The following RNF24 variants were observed in gnomAD, a reference collection of about 807,000 sequenced individuals.
RNF24 encodes the protein ring finger protein 24.
A neutral mutation model predicts 20.0 loss-of-function variants in RNF24; 14 were observed. The observed-to-expected ratio is 0.70, with a 90% confidence interval of 0.46 to 1.10. The LOEUF (loss-of-function observed/expected upper bound fraction) is 1.10. Among genes scored for constraint, RNF24 ranks in the 50% least tolerant of loss-of-function variants. RNF24 has a pLI of 0.00. For synonymous variants in RNF24, 45 were observed against 61.1 expected (o/e 0.74, Z 1.23); for missense variants, 124 against 177.6 (o/e 0.70, Z 1.71).
intron 1 of RNF24, among the ~76,000 whole-genome samples, chr20:4,005,048 T>C (rs1200578592): frequency 2.6e-5 from 4 of 152,188 alleles, no homozygotes. Context: ...ATCTGAATAG[T>C]AAAGAGACTG....
rs537038804 is a variant in RNF24 at position 3,998,146 on chromosome 20, G to T, written c.-8+17291C>A. On this transcript the variant is annotated intron_variant, in intron 1 of 5. Coordinates refer to ENST00000358395, the MANE Select transcript of RNF24 (RefSeq NM_001134337.3). Reference sequence around the variant, plus strand: ...CATTCAGCCCATCAAGCTCACATAAGAATAAAAAATGTGGCCAGGCGTGGT... The same window carrying T: ...CATTCAGCCCATCAAGCTCACATAATAATAAAAAATGTGGCCAGGCGTGGT... Among the ~76,000 whole-genome samples, 59 of 152,258 alleles carry T rather than the reference G, an allele frequency of 3.9e-4. 1 individual carries two copies. Among genetic ancestry groups the T allele is most frequent in the African/African-American group, 1.4e-3 (57 of 41,554 alleles).
intron 4 of RNF24, among the ~76,000 whole-genome samples, chr20:3,942,013 G>A (rs1013911645): frequency 1.3e-5 from 2 of 150,968 alleles, no homozygotes; most frequent in Non-Finnish European, 2.9e-5. Flanking sequence ...GGCGGAGGTT[G>A]CAGTGAGCCA....
At chr20:3,949,035 A>C (rs2091051528) in intron 2 of RNF24, among the ~76,000 whole-genome samples, 1 of 151,984 alleles carries the variant, frequency 6.6e-6, no homozygotes, top group South Asian at 2.1e-4. Flanking sequence ...GTGGACATAT[A>C]TACTCATTTC....
At chr20:3,939,293 C>A (rs1362161045) in intron 4 of RNF24, among the ~76,000 whole-genome samples, 2 of 152,132 alleles carry the variant, frequency 1.3e-5, no homozygotes, top group African/African-American at 4.8e-5. Context: ...GCACTGGGCT[C>A]ACCTATGTTT....
rs2090831325 is a variant in RNF24 at position 3,932,098 on chromosome 20, A to G, written c.*1965T>C. 1 of 152,210 alleles carries G rather than the reference A, an allele frequency of 6.6e-6. No homozygotes were observed. Among genetic ancestry groups the G allele is most frequent in the Non-Finnish European group, 1.5e-5 (1 of 68,036 alleles). 9.4% of individuals were successfully genotyped at this position (152,210 alleles called of 1,614,324 possible). A position where few individuals can be genotyped will look rare whatever the true frequency, so the allele number is the denominator to read the frequency against. ...ATTCTCTTTCCTATTAGAGCCCCAT[A>G]ACAGAGGTGACATCTGTCCCAAGGC... On this transcript the variant is annotated 3_prime_UTR_variant, in exon 6 of 6. Coordinates refer to ENST00000358395, the MANE Select transcript of RNF24 (RefSeq NM_001134337.3).
chr20:3,954,557 C>T (rs1328475793), intron 2 of RNF24, among the ~76,000 whole-genome samples: 1 of 152,078 alleles, frequency 6.6e-6, no homozygotes, highest in African/African-American at 2.4e-5. Context: ...CATATATTTT[C>T]ATTTGTCTTG....
intron 2 of RNF24, among the ~76,000 whole-genome samples, chr20:3,955,389 T>C (rs1309231688): frequency 6.6e-6 from 1 of 152,224 alleles, no homozygotes; most frequent in Non-Finnish European, 1.5e-5. Flanking sequence ...GAAGAAACAA[T>C]TCTTTCCCCA....
chr20:3,944,612 C>G lies in RNF24; in HGVS notation c.228+565G>C, dbSNP rs116066204. Among the ~76,000 whole-genome samples, 256 of 152,290 alleles carry G rather than the reference C, an allele frequency of 1.7e-3. 1 individual carries two copies. The highest frequency in any genetic ancestry group is 5.8e-3 in the African/African-American group (241 of 41,562). ...ACAAGAAATAGAATGAAAAAGAATT[C>G]TTATAGGCTATGTATCTTAATGTAT... On this transcript the variant is annotated intron_variant, in intron 4 of 5. Transcript: ENST00000358395.
At chr20:3,935,716 C>A (rs917252469) in intron 4 of RNF24, among the ~76,000 whole-genome samples, 1 of 152,238 alleles carries the variant, frequency 6.6e-6, no homozygotes, top group African/African-American at 2.4e-5. Flanking sequence ...CCTTTGCCAT[C>A]GTACCCAGGG....
At chr20:4,001,064 C>T (rs901197543) in intron 1 of RNF24, among the ~76,000 whole-genome samples, 1 of 151,966 alleles carries the variant, frequency 6.6e-6, no homozygotes, top group South Asian at 2.1e-4. Context: ...CTCAGGAGTT[C>T]GAGACCAGCC....
chr20:3,942,764 CGCCTGGCCT>C (rs914773066), intron 4 of RNF24, among the ~76,000 whole-genome samples: 4 of 149,826 alleles, frequency 2.7e-5, no homozygotes, highest in African/African-American at 9.8e-5. Context: ...TGAGCCACCG[CGCCTGGCCT>C]GGACAAATAT....
chr20:3,944,520 A>T (rs1240062495), intron 4 of RNF24, among the ~76,000 whole-genome samples: 1 of 152,166 alleles, frequency 6.6e-6, no homozygotes, highest in East Asian at 1.9e-4. Flanking sequence ...CAATTAGAAA[A>T]CCCAGAAAGG....
intron 3 of RNF24, among the ~76,000 whole-genome samples, chr20:3,946,453 T>TCAAAA (rs750605323): frequency 1.3e-3 from 193 of 147,348 alleles, no homozygotes; most frequent in Non-Finnish European, 2.3e-3. Flanking sequence ...AGACCCTGTC[T>TCAAAA]CAAAACAAAA....
chr20:3,948,832 G>T (rs564954383), intron 2 of RNF24, among the ~76,000 whole-genome samples: 14 of 152,188 alleles, frequency 9.2e-5, no homozygotes, highest in Admixed American at 3.9e-4. Flanking sequence ...TTTGTGTTTG[G>T]TTTCTTTCAG....
chr20:3,990,320 A>G (rs1980323971), intron 1 of RNF24, among the ~76,000 whole-genome samples: 1 of 152,184 alleles, frequency 6.6e-6, no homozygotes, highest in Non-Finnish European at 1.5e-5. Context: ...TGGAATTGTG[A>G]GTAGAATTAT....
intron 2 of RNF24, among the ~76,000 whole-genome samples, chr20:3,949,057 T>C (rs2091051768): frequency 6.6e-6 from 1 of 152,214 alleles, no homozygotes; most frequent in South Asian, 2.1e-4. Flanking sequence ...GTTAAGTATA[T>C]ACCCGGGAGT....
intron 1 of RNF24, among the ~76,000 whole-genome samples, chr20:3,980,258 A>G (rs1979267304): frequency 6.6e-6 from 1 of 152,240 alleles, no homozygotes; most frequent in Middle Eastern, 3.2e-3. Context: ...TGCATAGATA[A>G]GTAGTCTGCT....
Position 3,928,187 on chromosome 20 carries a change from A to G in RNF24, c.*5876T>C, listed in dbSNP as rs1455086474. 2 of 152,326 alleles carry G rather than the reference A, an allele frequency of 1.3e-5. No individual in the cohort carries two copies. Among genetic ancestry groups the G allele is most frequent in the African/African-American group, 2.4e-5 (1 of 41,580 alleles). 9.4% of individuals were successfully genotyped at this position (152,326 alleles called of 1,614,324 possible). A position where few individuals can be genotyped will look rare whatever the true frequency, so the allele number is the denominator to read the frequency against. On this transcript the variant is annotated 3_prime_UTR_variant, in exon 6 of 6. Transcript: ENST00000358395. ...AGAAATCTGTAACAGCTACAGGAAAAGACACACCCAGGGCCAGAGATTCTA... is the reference window on the plus strand; with the variant it reads ...AGAAATCTGTAACAGCTACAGGAAAGGACACACCCAGGGCCAGAGATTCTA...
In RNF24 at chr20:4,009,570, A is replaced by G. The variant is rs192748512; in HGVS notation, c.-8+5867T>C. On this transcript the variant is annotated intron_variant, in intron 1 of 5. Coordinates refer to ENST00000358395, the MANE Select transcript of RNF24 (RefSeq NM_001134337.3). Reference sequence around the variant, plus strand: ...GGAAGATGAGTGGTTTCTGTCTGATATCTCCTAAACCCTCAATGAACTATG... The same window carrying G: ...GGAAGATGAGTGGTTTCTGTCTGATGTCTCCTAAACCCTCAATGAACTATG... 1.3e-3 allele frequency among the ~76,000 whole-genome samples: 197 copies of G among 152,268 alleles called. 1 individual carries two copies. The highest frequency in any genetic ancestry group is 1.8e-3 in the Non-Finnish European group (124 of 68,018).
Sources: allele counts gnomAD v4.1 joint callset (sites outside exome capture counted in the v4.1 genomes callset), GRCh38; gene constraint gnomAD v4.1.1; transcripts MANE v1.5; gene names NCBI Gene and HGNC (gene_info 2026-07-23, HGNC 2026-07-21).